SNX2: variants seen among roughly 807,000 people sequenced by gnomAD.
The protein encoded by SNX2 is sorting nexin-2.
SNX2 carries 25 observed loss-of-function variants against 69.9 expected under a neutral mutation model. The observed-to-expected ratio is 0.36, with a 90% CI of 0.26 to 0.50. SNX2 has a LOEUF of 0.50. Ranked by LOEUF, SNX2 falls within the 20% of genes least tolerant of loss-of-function variation. The pLI, the probability that SNX2 is intolerant of heterozygous loss-of-function variation, is 0.97. For synonymous variants in SNX2, 229 were observed against 200.4 expected, an observed-to-expected ratio of 1.14 and a Z score of -1.20; for missense variants, 551 against 613.3, an observed-to-expected ratio of 0.90 and a Z score of 1.07.
chr5:122,795,661 A>G (rs1024000246), intron 2 of SNX2: 2 of 248,624 alleles, frequency 8.0e-6, no homozygotes, highest in African/African-American at 4.5e-5. Context: ...AAGACTAATC[A>G]TTGTGATGTT....
intron 1 of SNX2, among the ~76,000 whole-genome samples, chr5:122,788,466 C>G (rs1434309415): frequency 6.6e-6 from 1 of 152,216 alleles, no homozygotes. Flanking sequence ...TTAAATACTT[C>G]TGCAGCAATC....
intron 7 of SNX2, among the ~76,000 whole-genome samples, chr5:122,809,397 A>G (rs1319580704): frequency 6.6e-6 from 1 of 152,200 alleles, no homozygotes; most frequent in East Asian, 1.9e-4. Flanking sequence ...CATTTCCTAT[A>G]GCTTTGAAGA....
intron 1 of SNX2, among the ~76,000 whole-genome samples, chr5:122,787,522 C>A (rs60185942): frequency 6.0e-4 from 88 of 146,580 alleles, no homozygotes; most frequent in East Asian, 1.4e-3. Context: ...TGTCCCCCCC[C>A]AAAAAAAAAA....
At chr5:122,810,226 C>G (rs796384822) in intron 7 of SNX2, among the ~76,000 whole-genome samples, 10 of 150,510 alleles carry the variant, frequency 6.6e-5, no homozygotes, top group African/African-American at 2.5e-4. Context: ...GAGTCATCAC[C>G]ACTCCCTCAT....
intron 6 of SNX2, among the ~76,000 whole-genome samples, chr5:122,806,120 GTA>G (rs1491449932): frequency 2.4e-5 from 2 of 83,504 alleles, no homozygotes; most frequent in African/African-American, 8.2e-5. Context: ...GTGCGTGTGT[GTA>G]TATATATACA....
chr5:122,780,798 G>T (rs1011291687), intron 1 of SNX2, among the ~76,000 whole-genome samples: 1 of 152,066 alleles, frequency 6.6e-6, no homozygotes, highest in Non-Finnish European at 1.5e-5. Flanking sequence ...TCGAACTCCT[G>T]ACCTTGTGAT....
intron 2 of SNX2, 61 bp downstream of exon 2, chr5:122,795,444 G>C: frequency 8.7e-7 from 1 of 1,145,082 alleles, no homozygotes; most frequent in Non-Finnish European, 1.3e-6. Flanking sequence ...CTATTAGATA[G>C]AAAATATCTA....
At chr5:122,827,819 G>GT in intron 14 of SNX2, 173 bp downstream of exon 14, 14 of 502,942 alleles carry the variant, frequency 2.8e-5, no homozygotes, top group South Asian at 5.2e-5. Context: ...ACTATCTCAC[G>GT]TGTTTTTTTT....
chr5:122,799,620 A>C, intron 2 of SNX2, 72 bp from the exon 3 acceptor site: 2 of 909,200 alleles, frequency 2.2e-6, no homozygotes, highest in South Asian at 5.7e-5. Context: ...TTTATAATCC[A>C]TTAACTGCTA....
intron 7 of SNX2, chr5:122,808,684 C>G (rs181364959): frequency 3.0e-4 from 49 of 164,560 alleles, no homozygotes; most frequent in Middle Eastern, 2.9e-3. Context: ...TAGGTAGTCA[C>G]CAAGAGTTAC....
chr5:122,792,222 G>A (rs1399536354), intron 1 of SNX2, among the ~76,000 whole-genome samples: 1 of 152,226 alleles, frequency 6.6e-6, no homozygotes, highest in East Asian at 1.9e-4. Flanking sequence ...TTGTGCCATT[G>A]AGGGTAGTTT....
Position 122,831,009 on chromosome 5 carries a change from C to CAAAAA in SNX2, c.*1381_*1385dup, listed in dbSNP as rs58159922. On this transcript the variant is annotated 3_prime_UTR_variant, in exon 15 of 15. Transcript: ENST00000379516. Reference sequence around the variant, plus strand: ...AGGCAACAAAAGCAAAACTCCATCTCAAAAAAAAAAAAAAAAAAAAAAAAG... The same window carrying CAAAAA: ...AGGCAACAAAAGCAAAACTCCATCTCAAAAAAAAAAAAAAAAAAAAAAAAAAAAAG... 5.6e-3 allele frequency among the ~76,000 whole-genome samples: 352 copies of CAAAAA among 62,814 alleles called. 7 individuals carry two copies. Among genetic ancestry groups the CAAAAA allele is most frequent in the African/African-American group, 0.016 (259 of 16,678 alleles). 41.2% of individuals were successfully genotyped at this position (62,814 alleles called of 152,430 possible). A position where few individuals can be genotyped will look rare whatever the true frequency, so the allele number is the denominator to read the frequency against.
At chr5:122,814,643 A>G (rs1753859412) in intron 7 of SNX2, among the ~76,000 whole-genome samples, 1 of 151,406 alleles carries the variant, frequency 6.6e-6, no homozygotes, top group Non-Finnish European at 1.5e-5. Flanking sequence ...AGAAGAAATT[A>G]CTGACTACAT....
Position 122,825,632 on chromosome 5 carries a change from T to C in SNX2, c.1213-418T>C, listed in dbSNP as rs140737467. Among the ~76,000 whole-genome samples, 1,039 of 152,228 alleles carry C rather than the reference T, an allele frequency of 6.8e-3. 6 individuals carry two copies. The highest frequency in any genetic ancestry group is 0.01 in the Non-Finnish European group (705 of 67,936). On this transcript the variant is annotated intron_variant, in intron 11 of 14. Coordinates refer to ENST00000379516, the MANE Select transcript of SNX2 (RefSeq NM_003100.4). ...TCTTATGAGTTTTTCCCATTTTGTCTTTTCAATTTCAGACATGTTTCTAAT... is the reference window on the plus strand; with the variant it reads ...TCTTATGAGTTTTTCCCATTTTGTCCTTTCAATTTCAGACATGTTTCTAAT...
intron 1 of SNX2, among the ~76,000 whole-genome samples, chr5:122,790,611 T>C (rs1753211559): frequency 6.6e-6 from 1 of 151,748 alleles, no homozygotes; most frequent in African/African-American, 2.4e-5. Flanking sequence ...ATGTCAGAAG[T>C]GGGGGAGGAA....
Position 122,831,444 on chromosome 5 carries a change from A to G in SNX2, c.*1796A>G, listed in dbSNP as rs1005844109. The stretch of plus-strand genomic sequence containing the variant: ...ACTATGATCGTGCCTGTGAATACCC[A>G]CTAACCTACAGCCAGCCTGGACAAC... On this transcript the variant is annotated 3_prime_UTR_variant, in exon 15 of 15. Coordinates refer to ENST00000379516, the MANE Select transcript of SNX2 (RefSeq NM_003100.4). Among the ~76,000 whole-genome samples, 3 of 152,166 alleles carry G rather than the reference A, an allele frequency of 2.0e-5. No individual in the cohort carries two copies. The highest frequency in any genetic ancestry group is 7.2e-5 in the African/African-American group (3 of 41,434).
chr5:122,814,374 T>A (rs1753853030), intron 7 of SNX2, among the ~76,000 whole-genome samples: 1 of 152,234 alleles, frequency 6.6e-6, no homozygotes, highest in Non-Finnish European at 1.5e-5. Flanking sequence ...CAAAAATTTT[T>A]TTAAACCCAG....
chr5:122,822,179 C>T (rs964494221), intron 11 of SNX2, among the ~76,000 whole-genome samples: 1 of 152,142 alleles, frequency 6.6e-6, no homozygotes, highest in Non-Finnish European at 1.5e-5. Flanking sequence ...CTACAACCTC[C>T]GCCTCCTAGG....
intron 14 of SNX2, among the ~76,000 whole-genome samples, chr5:122,829,197 TTTTGTTTG>T (rs148422974): frequency 1.3e-5 from 2 of 151,154 alleles, no homozygotes; most frequent in East Asian, 1.9e-4. Flanking sequence ...TTAATGTTGT[TTTTGTTTG>T]TTTGTTTGTT....
Sources: allele counts gnomAD v4.1 joint callset (sites outside exome capture counted in the v4.1 genomes callset), GRCh38; gene constraint gnomAD v4.1.1; transcripts MANE v1.5; gene names NCBI Gene and HGNC (gene_info 2026-07-23, HGNC 2026-07-21).